Variants in DIS3 observed in about 807,000 individuals in gnomAD.
DIS3 encodes the protein DIS3 exosome endoribonuclease and 3'-5' exoribonuclease.
A neutral mutation model predicts 113.0 loss-of-function variants in DIS3; 103 were observed. The observed-to-expected ratio is 0.91, with a 90% CI of 0.78 to 1.07. The LOEUF (loss-of-function observed/expected upper bound fraction) is 1.07. DIS3 is among the 50% of genes least tolerant of loss of function. The probability of loss-of-function intolerance (pLI) is 0.00; values close to 1 mark genes in which losing one functional copy is unlikely to be tolerated. For synonymous variants in DIS3, 402 were observed against 394.3 expected, an observed-to-expected ratio of 1.02 and a Z score of -0.23; for missense variants, 1,121 against 1,167.1, an observed-to-expected ratio of 0.96 and a Z score of 0.58.
At position 72,767,764 on chromosome 13, in the gene DIS3, G is replaced by A. The variant is rs146984227; in HGVS notation, c.1883+1021C>T. ...TTAATTTTAATGAATTTAAATAGGC[G>A]CATCTTATGAAATGACACAAATGTA... On this transcript the variant is annotated intron_variant, in intron 14 of 20. Transcript: ENST00000377767. Among the ~76,000 whole-genome samples, 45 of 152,196 alleles carry A rather than the reference G, an allele frequency of 3.0e-4. 1 individual carries two copies. The highest frequency in any genetic ancestry group is 9.1e-4 in the African/African-American group (38 of 41,542).
intron 7 of DIS3, 31 bp from the exon 8 acceptor site, chr13:72,773,852 C>A: frequency 1.3e-6 from 2 of 1,592,672 alleles, no homozygotes; most frequent in Admixed American, 1.9e-5. Flanking sequence ...AGATTTTACA[C>A]AAAAAAAATC....
intron 10 of DIS3, 129 bp downstream of exon 10, chr13:72,772,030 T>C (rs2033897759): frequency 4.1e-6 from 5 of 1,205,848 alleles, no homozygotes; most frequent in Non-Finnish European, 2.3e-6. Context: ...TTCTGACATA[T>C]GGCCAATAGC....
chr13:72,761,450 C>G lies in DIS3; in HGVS notation c.2583G>C (p.Val861=), dbSNP rs765825530. 3.7e-5 allele frequency: 60 copies of G among 1,611,134 alleles called. No homozygotes were observed. Among genetic ancestry groups the G allele is most frequent in the Non-Finnish European group, 5.0e-5 (59 of 1,179,116 alleles). The stretch of plus-strand genomic sequence containing the variant: ...CTAAACCATACTTTGGAATTAATAC[C>G]ACAATGGCATTCTTTCTTACAAATA... The part of the protein sequence containing the change: ...YILFVRKNAI[V]VLIPKYGLEG... Residue 861 remains valine, a synonymous_variant, in exon 19 of 21, where the codon GTG becomes GTC. Coordinates refer to ENST00000377767, the MANE Select transcript of DIS3 (RefSeq NM_014953.5).
At chr13:72,775,512 T>C (rs1303285318) in intron 5 of DIS3, 137 bp from the exon 6 acceptor site, 3 of 1,089,488 alleles carry the variant, frequency 2.8e-6, no homozygotes, top group Non-Finnish European at 3.7e-6. Context: ...AGATTTTCTT[T>C]CTCTATTGTG....
At chr13:72,767,044 A>C (rs1433753153) in intron 14 of DIS3, among the ~76,000 whole-genome samples, 1 of 152,134 alleles carries the variant, frequency 6.6e-6, no homozygotes, top group Non-Finnish European at 1.5e-5. Flanking sequence ...TTATTAATGG[A>C]TTTTGACATA....
intron 3 of DIS3, 127 bp from the exon 4 acceptor site, chr13:72,777,620 CTCTG>C (rs2034048437): frequency 1.1e-5 from 9 of 792,834 alleles, no homozygotes; most frequent in African/African-American, 1.7e-5. Flanking sequence ...GAGAGTCTCA[CTCTG>C]TCTCTCAGGC....
chr13:72,779,011 T>G (rs2034089449), intron 2 of DIS3, among the ~76,000 whole-genome samples: 1 of 152,188 alleles, frequency 6.6e-6, no homozygotes. Context: ...ACAGCAAAGT[T>G]CACTACAATA....
In DIS3 at chr13:72,771,138, T is replaced by G. The variant is rs997921647; in HGVS notation, c.1613A>C (p.Asp538Ala). 3 of 1,613,358 alleles carry G rather than the reference T, an allele frequency of 1.9e-6. No individual in the cohort carries two copies. Among genetic ancestry groups the G allele is most frequent in the Non-Finnish European group, 2.5e-6 (3 of 1,179,548 alleles). The part of the protein sequence containing the change: ...TTVYLCEKRI[D>A]MVPELLSSNL... Reference sequence around the variant, plus strand: ...AGAGCTAAGCAACTCTGGAACCATGTCAATCCTCTGCAAAAGATAAAAATA... The same window carrying G: ...AGAGCTAAGCAACTCTGGAACCATGGCAATCCTCTGCAAAAGATAAAAATA... The change falls in exon 12 of 21, where the codon GAC becomes GCC. Residue 538 changes from aspartate (D) to alanine (A), a missense_variant. By Grantham distance (126) the Asp-to-Ala change is moderately radical. This residue lies in a region of DIS3 where 861 missense variants were observed against 915.5 expected (regional missense o/e 0.94). Coordinates refer to ENST00000377767, the MANE Select transcript of DIS3 (RefSeq NM_014953.5).
chr13:72,759,842 T>C lies in DIS3; in HGVS notation c.2830A>G (p.Met944Val), dbSNP rs138714195. ...TTTTTCTTTGGTCCATTAAGGTCCA[T>C]GTTTGAAGTATCAGTAGGAATGCTT... ...GISIPTDTSN[M>V]DLNGPKKKKM... Residue 944 changes from methionine to valine, a missense_variant, in exon 21 of 21, where the codon ATG (methionine) becomes GTG (valine). By Grantham distance (21) the Met-to-Val change is conservative. Transcript: ENST00000377767. The C allele has an allele frequency of 5.6e-6, 9 of 1,613,314 alleles. No homozygotes were observed. In the African/African-American group the frequency reaches 1.2e-4, roughly 22 times the overall value.
Position 72,781,669 on chromosome 13 carries a change from G to C in DIS3, c.164C>G (p.Pro55Arg). 6.5e-7 allele frequency: 1 copy of C among 1,549,744 alleles called. No individual in the cohort carries two copies. Residue 55 changes from proline to arginine, a missense_variant, in exon 1 of 21, where the codon CCG becomes CGG. This residue lies in a region of DIS3 where 254 missense variants were observed against 232.2 expected (regional missense o/e 1.09). Transcript: ENST00000377767. ...CGGTTGCGGGCAGACGCTGCTCGCC[G>C]GGTCCTGGGGCTGCGGCTCCAGGGC... ...GPALEPQPQD[P>R]ASSVCPQPHY...
rs2033526106 is a variant in DIS3, at chr13:72,757,752, G to A, written c.*2043C>T. The A allele has an allele frequency of 5.2e-6, 1 of 193,300 alleles. No individual in the cohort carries two copies. Among genetic ancestry groups the A allele is most frequent in the Non-Finnish European group, 1.1e-5 (1 of 92,498 alleles). 12.0% of individuals were successfully genotyped at this position (193,300 alleles called of 1,614,324 possible). A position where few individuals can be genotyped will look rare whatever the true frequency, so the allele number is the denominator to read the frequency against. On this transcript the variant is annotated 3_prime_UTR_variant, in exon 21 of 21. Transcript: ENST00000377767. ...GGCAAACTTTTTTAAATGGTTGGCG[G>A]GGGTGGGGGAAATCAAATGAGTAAT...
chr13:72,779,111 C>A (rs1394826424), intron 2 of DIS3, among the ~76,000 whole-genome samples: 3 of 151,308 alleles, frequency 2.0e-5, no homozygotes, highest in Non-Finnish European at 4.4e-5. Context: ...TCGTTGAATG[C>A]ACTTGCTAAT....
Position 72,752,879 on chromosome 13 carries a change from A to G in DIS3, c.*6916T>C, listed in dbSNP as rs1566230344. 1 of 152,136 alleles carries G rather than the reference A, an allele frequency of 6.6e-6. No homozygotes were observed. Among genetic ancestry groups the G allele is most frequent in the Non-Finnish European group, 1.5e-5 (1 of 68,038 alleles). 9.4% of individuals were successfully genotyped at this position (152,136 alleles called of 1,614,324 possible). A position where few individuals can be genotyped will look rare whatever the true frequency, so the allele number is the denominator to read the frequency against. ...ATCCTAACTTGCAGGGAGGGCTTAAATGCAAAATGATTCCCTTGTGGATTG... is the reference window on the plus strand; with the variant it reads ...ATCCTAACTTGCAGGGAGGGCTTAAGTGCAAAATGATTCCCTTGTGGATTG... On this transcript the variant is annotated 3_prime_UTR_variant, in exon 21 of 21. Transcript: ENST00000377767.
At chr13:72,779,366 C>T (rs149602074) in intron 2 of DIS3, among the ~76,000 whole-genome samples, 1 of 152,250 alleles carries the variant, frequency 6.6e-6, no homozygotes, top group Non-Finnish European at 1.5e-5. Flanking sequence ...GATCTGCCCA[C>T]CTCAACCTCC....
intron 15 of DIS3, among the ~76,000 whole-genome samples, chr13:72,765,158 A>T (rs1352209061): frequency 1.3e-5 from 2 of 152,192 alleles, no homozygotes; most frequent in East Asian, 3.9e-4. Context: ...CCTACATCTT[A>T]ACTAAATCAA....
At chr13:72,767,435 T>C (rs1179229215) in intron 14 of DIS3, among the ~76,000 whole-genome samples, 3 of 152,202 alleles carry the variant, frequency 2.0e-5, no homozygotes, top group Non-Finnish European at 4.4e-5. Context: ...TCTTCTTATA[T>C]ACAAGTGACA....
At position 72,761,656 on chromosome 13, in the gene DIS3, A is replaced by G; in HGVS notation, c.2501T>C (p.Phe834Ser). ...AQYAQRASVA[F>S]HTQLFFKSKG... ...ACAAAAGGCAAATACCTGGGTATGA[A>G]AAGCCACTGATGCACGTTGGGCATA... The change falls in exon 18 of 21, where the codon TTT becomes TCT. Residue 834 changes from phenylalanine (F) to serine (S), a missense_variant. By Grantham distance (155) the Phe-to-Ser change is radical (BLOSUM62 -2). This residue lies in a region of DIS3 where 861 missense variants were observed against 915.5 expected (regional missense o/e 0.94). Coordinates refer to ENST00000377767, the MANE Select transcript of DIS3 (RefSeq NM_014953.5). The G allele has an allele frequency of 6.3e-7, 1 of 1,595,126 alleles. No homozygotes were observed. Among genetic ancestry groups the G allele is most frequent in the South Asian group, 1.2e-5 (1 of 85,592 alleles).
At position 72,758,596 on chromosome 13, in the gene DIS3, G is replaced by A. The variant is rs1040544101; in HGVS notation, c.*1199C>T. 4.5e-6 allele frequency: 1 copy of A among 219,972 alleles called. No individual in the cohort carries two copies. Among genetic ancestry groups the A allele is most frequent in the African/African-American group, 2.2e-5 (1 of 44,552 alleles). 13.6% of individuals were successfully genotyped at this position (219,972 alleles called of 1,614,324 possible). A position where few individuals can be genotyped will look rare whatever the true frequency, so the allele number is the denominator to read the frequency against. On this transcript the variant is annotated 3_prime_UTR_variant, in exon 21 of 21. Transcript: ENST00000377767. ...ACTGACCCATTTTACCTGGACCAAA[G>A]ACTACTCAAGTCTATTTTCCTCCAA...
At chr13:72,762,187 G>T in intron 16 of DIS3, 50 bp from the exon 17 acceptor site, 3 of 1,426,888 alleles carry the variant, frequency 2.1e-6, no homozygotes, top group Non-Finnish European at 9.7e-7. Flanking sequence ...TTCTAAGTCA[G>T]TACCATTATG....
Sources: allele counts gnomAD v4.1 joint callset (sites outside exome capture counted in the v4.1 genomes callset), GRCh38; gene constraint gnomAD v4.1.1; regional missense constraint gnomAD v4.1.1; transcripts MANE v1.5; gene names NCBI Gene and HGNC (gene_info 2026-07-23, HGNC 2026-07-21).